The following TRIM39 variants were observed in gnomAD, a reference collection of about 807,000 sequenced individuals.
TRIM39 encodes the protein tripartite motif containing 39.
A neutral mutation model predicts 53.6 loss-of-function variants in TRIM39; 5 were observed. That is an observed-to-expected ratio of 0.09 (90% confidence interval 0.05 to 0.20). TRIM39 has a LOEUF of 0.20. Among genes scored for constraint, TRIM39 ranks in the 10% least tolerant of loss-of-function variants. The pLI is 1.00. For synonymous variants in TRIM39, 196 were observed against 237.6 expected (o/e 0.82, Z 1.61); for missense variants, 310 against 621.0 (o/e 0.50, Z 5.32).
At chr6:30,336,745 A>G (rs1318243739) in intron 5 of TRIM39, among the ~76,000 whole-genome samples, 1 of 152,192 alleles carries the variant, frequency 6.6e-6, no homozygotes, top group Non-Finnish European at 1.5e-5. Flanking sequence ...AAGGGTTGGA[A>G]TAGACTTCTT....
rs1266088566 is a variant in TRIM39 at position 30,338,456 on chromosome 6, G to C, written c.781-1452G>C. ...AGGGAGGCCAGAGGAGATGGAGAAAGATGAGGGAATAGCTGGTAGTGGATC... is the reference window on the plus strand; with the variant it reads ...AGGGAGGCCAGAGGAGATGGAGAAACATGAGGGAATAGCTGGTAGTGGATC... On this transcript the variant is annotated intron_variant, in intron 5 of 7. Coordinates refer to ENST00000396551, the Ensembl canonical transcript of TRIM39. This position sits in a 1 kb window ranked among gnomAD's most constrained non-coding sequence, Gnocchi z 4.0. 6.6e-6 allele frequency among the ~76,000 whole-genome samples: 1 copy of C among 151,852 alleles called. No individual in the cohort carries two copies.
Position 30,332,152 on chromosome 6 carries a change from T to C in TRIM39, c.549+1276T>C, listed in dbSNP as rs549963090. On this transcript the variant is annotated intron_variant, in intron 4 of 7. Transcript: ENST00000396551. ...TGGGTAAGTGACTAGTCCAAGATCA[T>C]AAAGCCAGTAAGTGGCAAAACCAGG... 9.2e-5 allele frequency among the ~76,000 whole-genome samples: 14 copies of C among 152,314 alleles called. No individual in the cohort carries two copies. In the South Asian group the frequency reaches 2.7e-3, roughly 29 times the overall value.
chr6:30,336,069 C>A, intron 5 of TRIM39, 94 bp downstream of exon 5: 1 of 1,524,292 alleles, frequency 6.6e-7, no homozygotes, highest in Non-Finnish European at 8.9e-7. Flanking sequence ...CATTCTTCTG[C>A]TCTCCTTCTC....
exon 1 of TRIM39, chr6:30,326,750 T>A (rs1785350339): frequency 6.5e-6 from 1 of 153,602 alleles, no homozygotes. Context: ...GGTCCCTTCT[T>A]GCCCTTGATT....
At chr6:30,340,071 C>A in intron 6 of TRIM39, 141 bp downstream of exon 6, 1 of 1,356,730 alleles carries the variant, frequency 7.4e-7, no homozygotes. Context: ...TTCATTGTGC[C>A]CATGAAGCCA....
In TRIM39 at chr6:30,342,469, C is replaced by T; in HGVS notation, c.*210C>T. 1.6e-6 allele frequency: 1 copy of T among 607,228 alleles called. No homozygotes were observed. Among genetic ancestry groups the T allele is most frequent in the South Asian group, 2.1e-5 (1 of 48,442 alleles). 37.6% of individuals were successfully genotyped at this position (607,228 alleles called of 1,614,324 possible). On this transcript the variant is annotated 3_prime_UTR_variant, in exon 8 of 8. Transcript: ENST00000396551. This position sits in a 1 kb window ranked among gnomAD's most constrained non-coding sequence, Gnocchi z 4.7. ...ACAGCTGTGACTTCCTCCTAACTGT[C>T]AGGGTGGGGAGCTGGTTCCCAGAGG... is the stretch of plus-strand genomic sequence containing the variant.
intron 5 of TRIM39, chr6:30,336,205 C>T: frequency 1.4e-6 from 1 of 734,102 alleles, no homozygotes; most frequent in Non-Finnish European, 2.4e-6. Flanking sequence ...TTAATCTGTT[C>T]CAAAGAAAAG....
At chr6:30,341,647 G>A (rs1787564070) in intron 7 of TRIM39, 65 bp from the exon 8 acceptor site, 1 of 1,527,880 alleles carries the variant, frequency 6.5e-7, no homozygotes, top group Admixed American at 2.0e-5. Flanking sequence ...GGCTGGAAGA[G>A]TGAGGCAGGG....
intron 4 of TRIM39, among the ~76,000 whole-genome samples, chr6:30,334,732 C>T (rs886983618): frequency 6.6e-6 from 1 of 151,914 alleles, no homozygotes; most frequent in African/African-American, 2.4e-5. Flanking sequence ...CTTTTTGTTT[C>T]GTTGTTTTTT....
chr6:30,335,614 CACCCAGCCTTTGTTAA>C lies in TRIM39; in HGVS notation c.550-127_550-112del. The C allele has an allele frequency of 8.0e-7, 1 of 1,255,032 alleles. No individual in the cohort carries two copies. Among genetic ancestry groups the C allele is most frequent in the Non-Finnish European group, 1.1e-6 (1 of 925,108 alleles). 77.7% of individuals were successfully genotyped at this position (1,255,032 alleles called of 1,614,324 possible). On this transcript the variant is annotated intron_variant, in intron 4 of 7. Coordinates refer to ENST00000396551, the Ensembl canonical transcript of TRIM39. The surrounding 1 kb of genome is among the most constrained non-coding windows in gnomAD (Gnocchi z 4.7). ...CTGGGATTACAGTCATGTGTCACCA[CACCCAGCCTTTGTTAA>C]ACCATTTTCAATGAAACTGGAAGTC...
chr6:30,332,421 A>G (rs994271797), intron 4 of TRIM39, among the ~76,000 whole-genome samples: 2 of 152,378 alleles, frequency 1.3e-5, no homozygotes, highest in East Asian at 3.9e-4. Flanking sequence ...AAGAGTTGAC[A>G]TGTAGAGATC....
At chr6:30,340,121 C>T in intron 6 of TRIM39, 191 bp downstream of exon 6, 1 of 1,072,448 alleles carries the variant, frequency 9.3e-7, no homozygotes. Flanking sequence ...TCCCTTTTCC[C>T]CTTTGAACAT....
At chr6:30,327,439 C>T (rs1785500931) in intron 1 of TRIM39, 1 of 152,848 alleles carries the variant, frequency 6.5e-6, no homozygotes, top group Admixed American at 6.5e-5. Flanking sequence ...GACAACCTCT[C>T]AGGAGAGGGT....
intron 2 of TRIM39, 96 bp from the exon 3 acceptor site, chr6:30,329,213 CAT>C: frequency 1.5e-6 from 2 of 1,364,580 alleles, no homozygotes; most frequent in Non-Finnish European, 2.0e-6. Context: ...TAGGACTTAA[CAT>C]AGGGATAAAT....
At chr6:30,330,478 A>G (rs1308664260) in intron 3 of TRIM39, among the ~76,000 whole-genome samples, 2 of 152,160 alleles carry the variant, frequency 1.3e-5, no homozygotes. Context: ...GGTAATAGGC[A>G]GTTGCCTCAG....
rs61758102 is a variant in TRIM39 at position 30,340,549 on chromosome 6, A to G, written c.848A>G (p.Glu283Gly). The G allele has an allele frequency of 2.9e-3, 4,755 of 1,613,090 alleles. 161 individuals are homozygous for G. The South Asian group carries it at 0.042, about 14-fold the overall frequency. Residue 283 changes from glutamate to glycine, a missense_variant, in exon 7 of 8, where the codon GAG becomes GGG. By Grantham distance (98) the Glu-to-Gly change is moderately conservative (BLOSUM62 -2). This residue lies in a region of TRIM39 where 161 missense variants were observed against 210.0 expected (regional missense o/e 0.77). Coordinates refer to ENST00000396551, the Ensembl canonical transcript of TRIM39. ...ATGGAGGTGACTTCAGTATCCATAGAGCTGGAAAAGAACTTCAGCAATTTT... is the reference window on the plus strand; with the variant it reads ...ATGGAGGTGACTTCAGTATCCATAGGGCTGGAAAAGAACTTCAGCAATTTT...
chr6:30,330,128 C>T (rs986854515), intron 3 of TRIM39, among the ~76,000 whole-genome samples: 1 of 152,160 alleles, frequency 6.6e-6, no homozygotes, highest in African/African-American at 2.4e-5. Context: ...CAGAATGCTC[C>T]TTGTTTTCAC....
Position 30,335,686 on chromosome 6 carries a change from G to C in TRIM39, c.550-59G>C. 6.4e-7 allele frequency: 1 copy of C among 1,559,942 alleles called. No individual in the cohort carries two copies. The highest frequency in any genetic ancestry group is 8.7e-7 in the Non-Finnish European group (1 of 1,153,986). The stretch of plus-strand genomic sequence containing the variant: ...TAATTCATACATATGGTGGGTGAGA[G>C]AAAGGCTTCCTTATACCACACTGAC... On this transcript the variant is annotated intron_variant, in intron 4 of 7. Coordinates refer to ENST00000396551, the Ensembl canonical transcript of TRIM39. This position sits in a 1 kb window ranked among gnomAD's most constrained non-coding sequence, Gnocchi z 4.7.
chr6:30,329,004 T>G, exon 2 of TRIM39: 1 of 345,532 alleles, frequency 2.9e-6, no homozygotes, highest in Non-Finnish European at 5.2e-6. Flanking sequence ...TGAGCTAGAG[T>G]TGAAGGAAGC....
Sources: gnomAD v4.1 joint callset for allele counts (sites outside exome capture counted in the v4.1 genomes callset) on GRCh38, gnomAD v4.1.1 for gene constraint, gnomAD v4.1.1 regional missense constraint, Gnocchi (gnomAD v3.1) non-coding constraint, MANE v1.5 for transcripts, NCBI Gene and HGNC (gene_info 2026-07-23, HGNC 2026-07-21) for gene names.